The following ABHD8 variants were observed in gnomAD, a reference collection of about 807,000 sequenced individuals.
ABHD8 encodes the protein protein ABHD8.
Under a neutral mutation model 29.3 loss-of-function variants are expected in ABHD8, and 10 were observed. That is an observed-to-expected ratio of 0.34 (90% CI 0.21 to 0.58). The LOEUF is 0.58. Ranked by LOEUF, ABHD8 falls within the 20% of genes least tolerant of loss-of-function variation. ABHD8 has a pLI of 0.85. For missense variants in ABHD8, 556 were observed against 615.3 expected (o/e 0.90, Z 1.02); for synonymous variants, 282 against 274.6 (o/e 1.03, Z -0.27).
chr19:17,294,950 GT>G, intron 2 of ABHD8, 105 bp from the exon 3 acceptor site: 1 of 1,353,814 alleles, frequency 7.4e-7, no homozygotes, highest in Non-Finnish European at 1.0e-6. Flanking sequence ...GTTTGAGACA[GT>G]TTTACTCTGT....
At chr19:17,294,888 G>T in intron 2 of ABHD8, 43 bp from the exon 3 acceptor site, 1 of 1,598,222 alleles carries the variant, frequency 6.3e-7, no homozygotes, top group Non-Finnish European at 8.6e-7. Context: ...GAAGGGAGGC[G>T]GTCAGCAGGA....
intron 2 of ABHD8, among the ~76,000 whole-genome samples, chr19:17,300,482 C>A (rs1356451836): frequency 1.3e-5 from 2 of 151,510 alleles, no homozygotes; most frequent in Non-Finnish European, 2.9e-5. Context: ...ACTGGGATTA[C>A]AGGTGTCAGT....
At position 17,294,435 on chromosome 19, in the gene ABHD8, T is replaced by C. The variant is rs753031036; in HGVS notation, c.1002A>G (p.Ser334=). 1.2e-6 allele frequency: 2 copies of C among 1,614,136 alleles called. No individual in the cohort carries two copies. The highest frequency in any genetic ancestry group is 2.2e-5 in the South Asian group (2 of 91,090). The change falls in exon 4 of 5, where the codon TCA becomes TCG. Residue 334 remains serine (S), a synonymous_variant. Transcript: ENST00000247706. ...TCATCATGGCCCGGAGTACGAAGGA[T>C]GACACGTTGAAAGCGTTGCCCTCCT... The part of the protein sequence containing the change: ...LLKEGNAFNV[S]SFVLRAMMSG...
intron 2 of ABHD8, among the ~76,000 whole-genome samples, chr19:17,295,090 AT>A (rs779607230): frequency 1.0e-3 from 81 of 80,414 alleles, no homozygotes; most frequent in East Asian, 6.7e-3. Context: ...CACCCAGGTA[AT>A]TTTTTTTTTT....
intron 2 of ABHD8, among the ~76,000 whole-genome samples, chr19:17,297,574 G>C (rs1305590501): frequency 2.6e-5 from 4 of 152,152 alleles, no homozygotes; most frequent in Non-Finnish European, 5.9e-5. Flanking sequence ...GATTACAGGT[G>C]TGAACCACTG....
Position 17,292,814 on chromosome 19 carries a change from G to A in ABHD8, c.1167C>T (p.Phe389=). Residue 389 remains phenylalanine, a synonymous_variant, in exon 5 of 5, where the codon TTC becomes TTT. Transcript: ENST00000247706. ...QRMAEILLLA[F]LKLIDEGSHM... is the part of the protein sequence containing the mutation. ...GGCTGCCCTCGTCGATGAGCTTCAG[G>A]AATGCCAGGAGCAGGATCTGCAGAA... 6.2e-7 allele frequency: 1 copy of A among 1,612,860 alleles called. No homozygotes were observed.
At position 17,301,809 on chromosome 19, in the gene ABHD8, T is replaced by TG. The variant is rs397946390; in HGVS notation, c.-8-186_-8-185insC. On this transcript the variant is annotated intron_variant, in intron 1 of 4. Coordinates refer to ENST00000247706, the MANE Select transcript of ABHD8 (RefSeq NM_024527.5). ...GTGTGTGTGTGTGTGTGTGTGTGTGTTTTTGAGACAGTCTCGCTTTGTCAT... is the reference window on the plus strand; with the variant it reads ...GTGTGTGTGTGTGTGTGTGTGTGTGTGTTTTGAGACAGTCTCGCTTTGTCAT... 2.9e-3 allele frequency among the ~76,000 whole-genome samples: 441 copies of TG among 149,594 alleles called. 4 individuals are homozygous for TG. Among genetic ancestry groups the TG allele is most frequent in the African/African-American group, 9.0e-3 (365 of 40,760 alleles).
In ABHD8 at chr19:17,299,236, C is replaced by CCA. The variant is rs1555720782; in HGVS notation, c.761+1619_761+1620insTG. Among the ~76,000 whole-genome samples, 242 of 137,344 alleles carry CCA rather than the reference C, an allele frequency of 1.8e-3. 2 individuals carry two copies. Among genetic ancestry groups the CCA allele is most frequent in the African/African-American group, 6.1e-3 (233 of 38,054 alleles). The allele number at this position is 137,344 out of a possible 152,430, so 90.1% of individuals were successfully genotyped here. A position where few individuals can be genotyped will look rare whatever the true frequency, so the allele number is the denominator to read the frequency against. On this transcript the variant is annotated intron_variant, in intron 2 of 4. Coordinates refer to ENST00000247706, the MANE Select transcript of ABHD8 (RefSeq NM_024527.5). ...ACCAGCCTGGGCAACATAATGAGAC[C>CCA]CCCCCCCCATTCTCTATATAATTTT...
chr19:17,301,125 C>T lies in ABHD8; in HGVS notation c.492G>A (p.Lys164=). The stretch of plus-strand genomic sequence containing the variant: ...GGGCGCCTTTGCAGCTAGTGATGCG[C>T]TTCTCACAGTCAATATGGATGGTCC... ...PKRTIHIDCE[K]RITSCKGAQA... The change falls in exon 2 of 5, where the codon AAG becomes AAA. Residue 164 remains lysine (K), a synonymous_variant. Transcript: ENST00000247706. The T allele has an allele frequency of 6.2e-7, 1 of 1,613,042 alleles. No individual in the cohort carries two copies. The highest frequency in any genetic ancestry group is 1.7e-5 in the Admixed American group (1 of 60,034).
In ABHD8 at chr19:17,301,320, A is replaced by T; in HGVS notation, c.297T>A (p.Pro99=). ...RLLVENLGRA[P]RADLLHGQNG... ...TCTGCCCGTGTAGGAGGTCGGCTCG[A>T]GGGGCTCGGCCCAGGTTTTCCACCA... is the stretch of plus-strand genomic sequence containing the variant. Residue 99 remains proline (P), a synonymous_variant, in exon 2 of 5, where the codon CCT becomes CCA. Transcript: ENST00000247706. 6.2e-7 allele frequency: 1 copy of T among 1,607,626 alleles called. No individual in the cohort carries two copies. The highest frequency in any genetic ancestry group is 8.5e-7 in the Non-Finnish European group (1 of 1,179,826).
At chr19:17,292,929 C>A in intron 4 of ABHD8, 98 bp from the exon 5 acceptor site, 1 of 1,330,452 alleles carries the variant, frequency 7.5e-7, no homozygotes. Context: ...CCCACAGCAT[C>A]CAAAAGTCCC....
At position 17,303,412 on chromosome 19, in the gene ABHD8, A is replaced by G. The variant is rs1181189327; in HGVS notation, c.-179T>C. On this transcript the variant is annotated 5_prime_UTR_variant, in exon 1 of 5. Coordinates refer to ENST00000247706, the MANE Select transcript of ABHD8 (RefSeq NM_024527.5). ...GCAGGGGCATCCCGCGGCCGCCGAA[A>G]CAGCCGGCCCTTTAAGTTCCTCCCC... 6.6e-6 allele frequency: 1 copy of G among 152,258 alleles called. No individual in the cohort carries two copies. The highest frequency in any genetic ancestry group is 1.5e-5 in the Non-Finnish European group (1 of 68,054). The allele number at this position is 152,258 out of a possible 1,614,324, so 9.4% of individuals were successfully genotyped here.
rs1272402403 is a variant in ABHD8, at chr19:17,292,608, G to A, written c.*53C>T. The A allele has an allele frequency of 2.6e-6, 4 of 1,538,978 alleles. No homozygotes were observed. The highest frequency in any genetic ancestry group is 1.4e-5 in the African/African-American group (1 of 73,228). On this transcript the variant is annotated 3_prime_UTR_variant, in exon 5 of 5. Coordinates refer to ENST00000247706, the MANE Select transcript of ABHD8 (RefSeq NM_024527.5). ...CGCTGCAGACCTGGCGCAGGCTCGG[G>A]CCTCCTCCTGCTGCGGCTGTGCTCA...
chr19:17,294,173 C>G, intron 4 of ABHD8, 115 bp downstream of exon 4: 1 of 1,322,868 alleles, frequency 7.6e-7, no homozygotes, highest in Non-Finnish European at 1.0e-6. Context: ...AGCCACGCCC[C>G]CTCGGGAAGA....
chr19:17,300,542 A>G (rs1029232517), intron 2 of ABHD8, among the ~76,000 whole-genome samples: 4 of 152,000 alleles, frequency 2.6e-5, no homozygotes, highest in African/African-American at 9.7e-5. Context: ...CAGTGACACA[A>G]TCTCGGCTCA....
At position 17,295,048 on chromosome 19, in the gene ABHD8, C is replaced by T. The variant is rs145227385; in HGVS notation, c.762-203G>A. Reference sequence around the variant, plus strand: ...AAGCGATTCTCCTGCCTCAGTCTCCCGAGTAGCTGAGATTGCAGGCGCACA... The same window carrying T: ...AAGCGATTCTCCTGCCTCAGTCTCCTGAGTAGCTGAGATTGCAGGCGCACA... On this transcript the variant is annotated intron_variant, in intron 2 of 4. Coordinates refer to ENST00000247706, the MANE Select transcript of ABHD8 (RefSeq NM_024527.5). 5.3e-3 allele frequency among the ~76,000 whole-genome samples: 794 copies of T among 150,486 alleles called. 6 individuals carry two copies. Among genetic ancestry groups the T allele is most frequent in the African/African-American group, 0.018 (732 of 40,774 alleles).
Position 17,292,427 on chromosome 19 carries a change from T to C in ABHD8, c.*234A>G, listed in dbSNP as rs1311340310. The C allele has an allele frequency of 9.4e-6, 5 of 531,396 alleles. No individual in the cohort carries two copies. The highest frequency in any genetic ancestry group is 1.6e-5 in the Non-Finnish European group (5 of 309,802). 32.9% of individuals were successfully genotyped at this position (531,396 alleles called of 1,614,324 possible). A position where few individuals can be genotyped will look rare whatever the true frequency, so the allele number is the denominator to read the frequency against. On this transcript the variant is annotated 3_prime_UTR_variant, in exon 5 of 5. Transcript: ENST00000247706. ...GGTCATCTTCCGTGAGGGTCCCGGC[T>C]GCGGCCCCAAAACGCCGATGGGCCC...
In ABHD8 at chr19:17,292,796, C is replaced by T. The variant is rs2074076969; in HGVS notation, c.1185G>A (p.Glu395=). ...ATTCCAGCATCACCATGTGGCTGCC[C>T]TCGTCGATGAGCTTCAGGAATGCCA... ...LLLAFLKLID[E]GSHMVMLECP... is the part of the protein sequence containing the mutation. The change falls in exon 5 of 5, where the codon GAG becomes GAA. Residue 395 remains glutamate (E), a synonymous_variant. Coordinates refer to ENST00000247706, the MANE Select transcript of ABHD8 (RefSeq NM_024527.5). 6.2e-7 allele frequency: 1 copy of T among 1,612,906 alleles called. No individual in the cohort carries two copies. The highest frequency in any genetic ancestry group is 8.5e-7 in the Non-Finnish European group (1 of 1,179,488).
rs767748984 is a variant in ABHD8, at chr19:17,292,696, C to T, written c.1285G>A (p.Glu429Lys). Reference protein sequence around the residue: ...EPEPSPKALPEPLPAPPEDKK With the variant: ...EPEPSPKALPKPLPAPPEDKK ...TCTTCTGGAGGCGCCGGCAGTGGCT[C>T]CGGTAGAGCCTTGGGCGAGGGCTCG... The change falls in exon 5 of 5, where the codon GAG becomes AAG. Residue 429 changes from glutamate to lysine, a missense_variant. Glu to Lys is a moderately conservative substitution (Grantham distance 56). Transcript: ENST00000247706. 3 of 1,612,574 alleles carry T rather than the reference C, an allele frequency of 1.9e-6. No individual in the cohort carries two copies. Among genetic ancestry groups the T allele is most frequent in the Admixed American group, 3.3e-5 (2 of 59,866 alleles).
Sources: allele counts gnomAD v4.1 joint callset (sites outside exome capture counted in the v4.1 genomes callset), GRCh38; gene constraint gnomAD v4.1.1; transcripts MANE v1.5; gene names NCBI Gene and HGNC (gene_info 2026-07-23, HGNC 2026-07-21).